HEPN1: variants seen among roughly 807,000 people sequenced by gnomAD.
HEPN1 encodes the protein hepatocellular carcinoma, down-regulated 1.
For missense variants in HEPN1, 97 were observed against 103.3 expected, an observed-to-expected ratio of 0.94 and a Z score of 0.26; for synonymous variants, 46 against 41.2, an observed-to-expected ratio of 1.12 and a Z score of -0.45.
At chr11:124,919,775 G>T in exon 1 of HEPN1, 2 of 1,614,052 alleles carry the variant, frequency 1.2e-6, no homozygotes. Context: ...CCTTGGAATT[G>T]CTCCATGGGT....
exon 1 of HEPN1, chr11:124,919,346 C>G (rs2135392552): frequency 5.0e-6 from 1 of 198,850 alleles, no homozygotes; most frequent in East Asian, 1.2e-4. Flanking sequence ...AAAACAAACC[C>G]CACTTCCTTA....
exon 1 of HEPN1, chr11:124,920,424 GGGA>G: frequency 6.5e-7 from 1 of 1,547,912 alleles, no homozygotes; most frequent in Non-Finnish European, 8.7e-7. Flanking sequence ...GGGAGGCTGT[GGGA>G]GGAGGCCAAG....
At chr11:124,920,574 C>T in exon 1 of HEPN1, 2 of 1,308,808 alleles carry the variant, frequency 1.5e-6, no homozygotes, top group East Asian at 3.8e-5. Flanking sequence ...AATGATCCCC[C>T]CAGCTCAGAA....
chr11:124,920,198 A>C lies in HEPN1; in HGVS notation c.*181A>C, dbSNP rs531979292. ...TTATTCTCACAGCTGGAGGAAGCTC[A>C]ACAACTTTCCTGAGGACAATGATTG... On this transcript the variant is annotated 3_prime_UTR_variant, in exon 1 of 1. Transcript: ENST00000408930. 9.0e-6 allele frequency: 8 copies of C among 888,084 alleles called. No homozygotes were observed. In the African/African-American group the frequency reaches 1.0e-4, roughly 11 times the overall value. The allele number at this position is 888,084 out of a possible 1,614,324, so 55.0% of individuals were successfully genotyped here.
chr11:124,919,266 T>C (rs891250803), exon 1 of HEPN1: 7 of 156,210 alleles, frequency 4.5e-5, no homozygotes, highest in African/African-American at 1.7e-4. Flanking sequence ...AAAAGTTTAT[T>C]GAGCATCCAG....
chr11:124,920,291 C>A (rs1947109407), exon 1 of HEPN1: 14 of 1,128,508 alleles, frequency 1.2e-5, no homozygotes, highest in Non-Finnish European at 1.6e-5. Flanking sequence ...AACAGTTCCT[C>A]ATTTGGTCTA....
At chr11:124,919,601 T>C in exon 1 of HEPN1, 2 of 813,700 alleles carry the variant, frequency 2.5e-6, no homozygotes, top group South Asian at 3.7e-5. Context: ...TTAGGGGAGC[T>C]GCGAAGGCAC....
At chr11:124,919,755 G>A (rs1555053831) in exon 1 of HEPN1, 1 of 1,613,710 alleles carries the variant, frequency 6.2e-7, no homozygotes, top group South Asian at 1.1e-5. Flanking sequence ...GAGGTGATGG[G>A]TAACTGGGGC....
downstream of HEPN1, chr11:124,920,677 GCAAAAAAAAAAAA>G (rs1947118251): frequency 9.3e-6 from 1 of 107,838 alleles, no homozygotes; most frequent in Non-Finnish European, 1.2e-5. Flanking sequence ...ATCTGAACTT[GCAAAAAAAAAAAA>G]AAAAAAAAAA....
rs978966855 is a variant in HEPN1, at chr11:124,920,529, C to G, written c.*512C>G. On this transcript the variant is annotated 3_prime_UTR_variant, in exon 1 of 1. Coordinates refer to ENST00000408930, the Ensembl canonical transcript of HEPN1. ...CCTTCCCTCACCACCTTGTAGGTCC[C>G]CAGGTACCAGGTGCCCAGGGAAGAA... 13 of 1,425,016 alleles carry G rather than the reference C, an allele frequency of 9.1e-6. No individual in the cohort carries two copies. The African/African-American group carries it at 1.9e-4, about 20-fold the overall frequency. The allele number at this position is 1,425,016 out of a possible 1,614,324, so 88.3% of individuals were successfully genotyped here.
exon 1 of HEPN1, chr11:124,920,119 G>T (rs1447252136): frequency 1.5e-6 from 2 of 1,333,982 alleles, no homozygotes; most frequent in Non-Finnish European, 2.1e-6. Context: ...CCCCCCAAAT[G>T]CTGGGAAGCA....
exon 1 of HEPN1, chr11:124,919,947 T>C (rs1364684353): frequency 2.5e-6 from 4 of 1,613,932 alleles, no homozygotes; most frequent in Non-Finnish European, 3.4e-6. Context: ...TATGAACTGT[T>C]CAATAGGCGG....
At chr11:124,919,706 C>T in exon 1 of HEPN1, 1 of 1,600,556 alleles carries the variant, frequency 6.2e-7, no homozygotes, top group Non-Finnish European at 8.5e-7. Context: ...CTAGAAATGT[C>T]AGTGCCTTTG....
At chr11:124,920,116 A>C (rs1947106758) in exon 1 of HEPN1, 2 of 1,351,390 alleles carry the variant, frequency 1.5e-6, no homozygotes, top group African/African-American at 1.5e-5. Context: ...GTTCCCCCCA[A>C]ATGCTGGGAA....
exon 1 of HEPN1, chr11:124,919,866 C>T: frequency 6.2e-7 from 1 of 1,614,136 alleles, no homozygotes; most frequent in Non-Finnish European, 8.5e-7. Flanking sequence ...GAATGGAATA[C>T]ACAGAGGGCC....
chr11:124,920,411 C>T lies in HEPN1; in HGVS notation c.*394C>T, dbSNP rs1240266014. 3 of 1,548,062 alleles carry T rather than the reference C, an allele frequency of 1.9e-6. No individual in the cohort carries two copies. Among genetic ancestry groups the T allele is most frequent in the Admixed American group, 3.9e-5 (2 of 50,878 alleles). On this transcript the variant is annotated 3_prime_UTR_variant, in exon 1 of 1. Coordinates refer to ENST00000408930, the Ensembl canonical transcript of HEPN1. ...AAGAGTGCTTGGCATGGCATGCCTC[C>T]GAGGGAGGCTGTGGGAGGAGGCCAA...
rs370843348 is a variant in HEPN1 at position 124,919,822 on chromosome 11, G to T, written c.72G>T (p.Gly24=). 5 of 1,614,088 alleles carry T rather than the reference G, an allele frequency of 3.1e-6. No individual in the cohort carries two copies. The African/African-American group carries it at 6.7e-5, about 22-fold the overall frequency. Residue 24 remains glycine, a synonymous_variant, in exon 1 of 1, where the codon GGG becomes GGT. Coordinates refer to ENST00000408930, the Ensembl canonical transcript of HEPN1. ...CAGAGCTGGAGTTTAGGAGACTAGG[G>T]ATGCAAGGACCCTTGGAGGCATTAA...
chr11:124,919,673 G>A lies in HEPN1; in HGVS notation c.-78G>A. The A allele has an allele frequency of 6.7e-7, 1 of 1,502,280 alleles. No homozygotes were observed. The highest frequency in any genetic ancestry group is 1.4e-5 in the African/African-American group (1 of 72,646). 93.1% of individuals were successfully genotyped at this position (1,502,280 alleles called of 1,614,324 possible). A position where few individuals can be genotyped will look rare whatever the true frequency, so the allele number is the denominator to read the frequency against. On this transcript the variant is annotated 5_prime_UTR_variant, in exon 1 of 1. It introduces an in-frame stop codon into an upstream open reading frame of the 5' UTR. Transcript: ENST00000408930. The stretch of plus-strand genomic sequence containing the variant: ...AGGGAGCTGAGACAGGCATGCTGTG[G>A]GGTTCAGGGCAGAGGGGGCAAACTA...
exon 1 of HEPN1, chr11:124,920,099 G>C (rs895364813): frequency 4.2e-5 from 61 of 1,461,686 alleles, no homozygotes; most frequent in Non-Finnish European, 5.0e-5. Context: ...GCCAGGGGTT[G>C]GATCATGTTC....
Sources: gnomAD v4.1 joint callset for allele counts on GRCh38, gnomAD v4.1.1 for gene constraint, MANE v1.5 for transcripts, NCBI Gene and HGNC (gene_info 2026-07-23, HGNC 2026-07-21) for gene names.